The following CXADR variants were observed in gnomAD, a reference collection of about 807,000 sequenced individuals.
The protein encoded by CXADR is coxsackievirus and adenovirus receptor.
CXADR carries 20 observed loss-of-function variants against 40.3 expected under a neutral mutation model. The ratio of observed to expected loss-of-function variants is 0.50; its 90% CI spans 0.35 to 0.72. The LOEUF (loss-of-function observed/expected upper bound fraction) is 0.72, where lower values mean the gene tolerates loss of function less well. CXADR is among the 30% of genes least tolerant of loss of function. The pLI is 0.01. For synonymous variants in CXADR, 150 were observed against 161.3 expected (o/e 0.93, Z 0.53); for missense variants, 332 against 449.1 (o/e 0.74, Z 2.36).
chr21:17,616,499 C>T, the CXADR span, among the ~76,000 whole-genome samples: 91 of 151,908 alleles, frequency 6.0e-4, no homozygotes, highest in African/African-American at 1.9e-3. Context: ...CCATGCACGG[C>T]TAATTTTTTG....
intron 2 of CXADR, among the ~76,000 whole-genome samples, chr21:17,547,609 A>AT (rs1301347309): frequency 6.6e-6 from 1 of 152,218 alleles, no homozygotes; most frequent in East Asian, 1.9e-4. Context: ...CAGAATTGAA[A>AT]TTTTTAAGTT....
rs753870489 is a variant in CXADR at position 17,565,682 on chromosome 21, C to T, written c.1088C>T (p.Ser363Phe). 17 of 1,611,758 alleles carry T rather than the reference C, an allele frequency of 1.1e-5. No homozygotes were observed. Among genetic ancestry groups the T allele is most frequent in the Non-Finnish European group, 1.4e-5 (17 of 1,179,796 alleles). ...VMIPAQSKDG[S>F]IV ...ATTCCAGCACAGAGCAAGGATGGGT[C>T]TATAGTATAGAGCCTCCATATGTCT... is the stretch of plus-strand genomic sequence containing the variant. The change falls in exon 7 of 7, where the codon TCT becomes TTT. Residue 363 changes from serine to phenylalanine, a missense_variant. Transcript: ENST00000284878.
chr21:17,583,679 A>G lies in CXADR; in HGVS notation c.1018-9473A>G, dbSNP rs182263055. 1.3e-3 allele frequency among the ~76,000 whole-genome samples: 192 copies of G among 152,362 alleles called. 1 individual carries two copies. Among genetic ancestry groups the G allele is most frequent in the African/African-American group, 4.2e-3 (174 of 41,592 alleles). On this transcript the variant is annotated intron_variant, in intron 7 of 7. Transcript: ENST00000400169. The stretch of plus-strand genomic sequence containing the variant: ...TTAATGATTAAATACCCAAATGTTA[A>G]CTAAGAAATAAATGTATAATCCTCT...
At chr21:17,538,884 G>A (rs2060793096) in intron 1 of CXADR, among the ~76,000 whole-genome samples, 1 of 152,140 alleles carries the variant, frequency 6.6e-6, no homozygotes, top group African/African-American at 2.4e-5. Flanking sequence ...GAACAAGTTA[G>A]AATGAGAAAG....
intron 7 of CXADR, among the ~76,000 whole-genome samples, chr21:17,579,378 A>G (rs150671782): frequency 0.024 from 3,690 of 151,248 alleles, 59 homozygotes; most frequent in Middle Eastern, 0.054. Flanking sequence ...TCCGTCTCCC[A>G]GGTTCAAGCG....
At chr21:17,632,843 G>A in the CXADR span, among the ~76,000 whole-genome samples, 1 of 152,180 alleles carries the variant, frequency 6.6e-6, no homozygotes, top group East Asian at 1.9e-4. Flanking sequence ...CTCCAGCCTG[G>A]GCGACAGAGT....
chr21:17,515,416 C>T (rs1181827154), intron 1 of CXADR, among the ~76,000 whole-genome samples: 2 of 151,634 alleles, frequency 1.3e-5, no homozygotes, highest in Admixed American at 6.6e-5. Flanking sequence ...ACGCTGCTCT[C>T]GAGCCTGGGC....
the CXADR span, among the ~76,000 whole-genome samples, chr21:17,620,377 T>G: frequency 6.6e-6 from 1 of 152,216 alleles, no homozygotes; most frequent in Non-Finnish European, 1.5e-5. Context: ...TCAGAACACA[T>G]GTAACATTTA....
At chr21:17,604,785 G>T in the CXADR span, 1 of 1,494,906 alleles carries the variant, frequency 6.7e-7, no homozygotes, top group Non-Finnish European at 9.0e-7. Context: ...TACACAGGCA[G>T]GCCGTACATG....
At chr21:17,597,776 T>C (rs1185868879), downstream of CXADR, among the ~76,000 whole-genome samples, 2 of 152,160 alleles carry the variant, frequency 1.3e-5, no homozygotes, top group Non-Finnish European at 2.9e-5. Flanking sequence ...ATAATGTTCA[T>C]TATGTAAATG....
chr21:17,560,422 A>T (rs1014184628), intron 4 of CXADR, among the ~76,000 whole-genome samples: 2 of 152,072 alleles, frequency 1.3e-5, no homozygotes, highest in African/African-American at 4.8e-5. Context: ...GTGCCCCAAG[A>T]TGGGTTTGCA....
At chr21:17,529,502 A>G (rs2846888) in intron 1 of CXADR, among the ~76,000 whole-genome samples, 88,361 of 151,788 alleles carry the variant, frequency 0.58, 27,797 homozygotes, top group East Asian at 0.75. Context: ...TGTATTTTTA[A>G]TAGAGATAGG....
intron 1 of CXADR, among the ~76,000 whole-genome samples, chr21:17,530,989 C>T (rs1335553206): frequency 6.6e-6 from 1 of 151,970 alleles, no homozygotes; most frequent in South Asian, 2.1e-4. Context: ...GTTGACACTT[C>T]GATCAAAGAG....
downstream of CXADR, among the ~76,000 whole-genome samples, chr21:17,595,850 T>C (rs1271979924): frequency 6.6e-6 from 1 of 152,060 alleles, no homozygotes; most frequent in East Asian, 1.9e-4. Context: ...CATTTAACGT[T>C]AAAAAGTTCC....
At chr21:17,551,608 T>C in intron 2 of CXADR, 141 bp from the exon 3 acceptor site, 2 of 665,944 alleles carry the variant, frequency 3.0e-6, no homozygotes, top group Non-Finnish European at 5.1e-6. Flanking sequence ...AGTTTTATGT[T>C]TCCCCATAAT....
exon 8 of CXADR, chr21:17,593,315 A>C: frequency 1.1e-6 from 1 of 893,532 alleles, no homozygotes; most frequent in Non-Finnish European, 1.5e-6. Flanking sequence ...CTGTAAGAAC[A>C]CATCTACTTT....
intron 6 of CXADR, among the ~76,000 whole-genome samples, chr21:17,562,265 G>A (rs2061133831): frequency 6.6e-6 from 1 of 152,212 alleles, no homozygotes; most frequent in Non-Finnish European, 1.5e-5. Flanking sequence ...GATCAGGATG[G>A]TAGTTGCTGA....
intron 1 of CXADR, among the ~76,000 whole-genome samples, chr21:17,528,508 C>T (rs898257210): frequency 6.6e-6 from 1 of 151,892 alleles, no homozygotes; most frequent in Non-Finnish European, 1.5e-5. Flanking sequence ...CGGGTTCAAG[C>T]GATTCTCCTA....
At chr21:17,573,131 GTGAC>G (rs1477786600), downstream of CXADR, among the ~76,000 whole-genome samples, 3 of 152,164 alleles carry the variant, frequency 2.0e-5, no homozygotes, top group Non-Finnish European at 4.4e-5. Context: ...TGGCTTGTAG[GTGAC>G]CATTTTCTCC....
Sources: gnomAD v4.1 joint callset for allele counts (sites outside exome capture counted in the v4.1 genomes callset) on GRCh38, gnomAD v4.1.1 for gene constraint, MANE v1.5 for transcripts, NCBI Gene and HGNC (gene_info 2026-07-23, HGNC 2026-07-21) for gene names.